Variants in FRMPD4 observed in about 807,000 individuals in gnomAD.
FRMPD4 encodes the protein FERM and PDZ domain containing 4.
FRMPD4 carries 22 observed loss-of-function variants against 94.1 expected under a neutral mutation model. That is an observed-to-expected ratio of 0.23 (90% confidence interval 0.17 to 0.33). FRMPD4 has a LOEUF of 0.33. FRMPD4 is among the 10% of genes least tolerant of loss of function. The pLI is 1.00. For missense variants in FRMPD4, 1,111 were observed against 1,339.9 expected, an observed-to-expected ratio of 0.83 and a Z score of 2.67; for synonymous variants, 631 against 548.6, an observed-to-expected ratio of 1.15 and a Z score of -2.10.
chrX:11,840,715 ATTTTTATTTTTTAT>A (rs774740401), intron 1 of FRMPD4, among the ~76,000 whole-genome samples: 2 of 98,560 alleles, frequency 2.0e-5, no homozygotes, highest in East Asian at 3.0e-4. Flanking sequence ...GTTCCTTTAT[ATTTTTATTTTTTAT>A]TTTTTATTTT....
At chrX:12,291,485 C>T (rs2054688272) in intron 1 of FRMPD4, among the ~76,000 whole-genome samples, 1 of 112,066 alleles carries the variant, frequency 8.9e-6, no homozygotes, top group South Asian at 3.8e-4. Flanking sequence ...ACTCTTAAAT[C>T]ATTGGCACTG....
chrX:11,872,800 T>C (rs2147307080), intron 2 of FRMPD4, among the ~76,000 whole-genome samples: 1 of 112,491 alleles, frequency 8.9e-6, no homozygotes, highest in South Asian at 3.7e-4. Context: ...TTAGACCAAT[T>C]CTATGCATAA....
At chrX:12,574,427 T>G (rs904112465) in intron 2 of FRMPD4, among the ~76,000 whole-genome samples, 8 of 112,480 alleles carry the variant, frequency 7.1e-5, no homozygotes, top group Non-Finnish European at 1.1e-4. Flanking sequence ...AATATTCTGT[T>G]AGACATGTGT....
rs1484231801 is a variant in FRMPD4, at chrX:12,116,424, T to C, written c.95+238406T>C. Among the ~76,000 whole-genome samples, 12 of 112,430 alleles carry C rather than the reference T, an allele frequency of 1.1e-4. No homozygotes were observed. In the Admixed American group the frequency reaches 1.1e-3, roughly 11 times the overall value. The stretch of plus-strand genomic sequence containing the variant: ...ATCTTGAGCAGGTGAAGAAATAATA[T>C]GAGAACAAAGGCATTGAGTAGTGTG... On this transcript the variant is annotated intron_variant, in intron 3 of 18. Coordinates refer to the FRMPD4 transcript ENST00000640291.
intron 3 of FRMPD4, among the ~76,000 whole-genome samples, chrX:11,913,959 A>G (rs1290184324): frequency 2.7e-5 from 3 of 112,190 alleles, no homozygotes; most frequent in African/African-American, 9.7e-5. Context: ...AGAGAATGAC[A>G]TGTTTTTAGA....
chrX:12,436,814 A>C (rs1280065395), intron 1 of FRMPD4, among the ~76,000 whole-genome samples: 2 of 111,594 alleles, frequency 1.8e-5, no homozygotes, highest in South Asian at 3.7e-4. Flanking sequence ...TGGCATATTC[A>C]TCACCTTAAA....
chrX:12,155,345 G>A (rs908843077), intron 1 of FRMPD4, among the ~76,000 whole-genome samples: 4 of 111,175 alleles, frequency 3.6e-5, no homozygotes, highest in South Asian at 3.8e-4. Context: ...CAAATTGAAA[G>A]TATATTCACT....
intron 2 of FRMPD4, among the ~76,000 whole-genome samples, chrX:12,499,120 C>T (rs2057888408): frequency 9.0e-6 from 1 of 111,412 alleles, no homozygotes; most frequent in African/African-American, 3.3e-5. Flanking sequence ...AAGTTGTATT[C>T]GTTGTCTGAG....
At chrX:12,205,091 TAAA>T (rs11334075) in intron 1 of FRMPD4, among the ~76,000 whole-genome samples, 18 of 76,415 alleles carry the variant, frequency 2.4e-4, no homozygotes, top group Admixed American at 2.9e-4. Context: ...AATCAAATGC[TAAA>T]AAAAAAAAAA....
chrX:12,670,989 T>G (rs2059835635), intron 4 of FRMPD4, among the ~76,000 whole-genome samples: 1 of 112,325 alleles, frequency 8.9e-6, no homozygotes, highest in South Asian at 3.7e-4. Context: ...TGACAAAAGC[T>G]CATCATCACT....
chrX:12,718,018 A>G lies in FRMPD4; in HGVS notation c.3192A>G (p.Lys1064=). The G allele has an allele frequency of 1.7e-6, 2 of 1,212,011 alleles. No homozygotes were observed. The highest frequency in any genetic ancestry group is 1.1e-6 in the Non-Finnish European group (1 of 895,456). ...AGATGGAGGAGGAGGCCAGTGGTAA[A>G]TTTGGTACTGTGTCTTCACGAGACA... ...TAEMEEEASG[K]FGTVSSRDSQ... The change falls in exon 16 of 17, where the codon AAA becomes AAG. Residue 1064 remains lysine (K), a synonymous_variant. Coordinates refer to ENST00000675598, the MANE Select transcript of FRMPD4 (RefSeq NM_001368397.1).
At chrX:12,692,177 C>T (rs757295721) in intron 8 of FRMPD4, among the ~76,000 whole-genome samples, 6 of 112,339 alleles carry the variant, frequency 5.3e-5, no homozygotes, top group Admixed American at 9.4e-5. Flanking sequence ...CACAACTTCC[C>T]GCTCCAGTTA....
chrX:12,282,298 G>A (rs2054537879), intron 1 of FRMPD4, among the ~76,000 whole-genome samples: 1 of 112,144 alleles, frequency 8.9e-6, no homozygotes, highest in African/African-American at 3.2e-5. Flanking sequence ...TCAGGGCAGG[G>A]AGCCAGCCCC....
intron 1 of FRMPD4, among the ~76,000 whole-genome samples, chrX:12,463,566 C>T (rs139634752): frequency 9.0e-6 from 1 of 110,514 alleles, no homozygotes; most frequent in Non-Finnish European, 1.9e-5. Flanking sequence ...AGTAAGCATT[C>T]GTTTTGACCA....
intron 1 of FRMPD4, among the ~76,000 whole-genome samples, chrX:12,215,261 A>G (rs941011471): frequency 9.0e-6 from 1 of 111,458 alleles, no homozygotes; most frequent in African/African-American, 3.3e-5. Context: ...AACTTGTTCA[A>G]TGAAGCCTCA....
intron 16 of FRMPD4, among the ~76,000 whole-genome samples, chrX:12,720,049 GGAAA>G (rs199713463): frequency 0.24 from 9,112 of 38,623 alleles, 724 homozygotes; most frequent in South Asian, 0.36. Flanking sequence ...GGAAAGGAAA[GGAAA>G]GAAAGAAAGA....
chrX:12,669,950 G>T (rs1457275070), intron 4 of FRMPD4, among the ~76,000 whole-genome samples: 1 of 112,219 alleles, frequency 8.9e-6, no homozygotes, highest in Non-Finnish European at 1.9e-5. Context: ...CGTTATAGCA[G>T]CCATAGGAAT....
At chrX:11,844,135 G>A (rs1346597293) in intron 1 of FRMPD4, among the ~76,000 whole-genome samples, 7 of 104,709 alleles carry the variant, frequency 6.7e-5, no homozygotes, top group African/African-American at 2.4e-4. Flanking sequence ...CTACAGGCAT[G>A]CGCCATCACA....
chrX:12,115,587 C>T (rs1430233808), intron 3 of FRMPD4, among the ~76,000 whole-genome samples: 1 of 109,217 alleles, frequency 9.2e-6, no homozygotes, highest in African/African-American at 3.3e-5. Context: ...TGGCTCTTGT[C>T]CACACTGCAT....
Sources: allele counts gnomAD v4.1 joint callset (sites outside exome capture counted in the v4.1 genomes callset), GRCh38; gene constraint gnomAD v4.1.1; transcripts MANE v1.5; gene names NCBI Gene and HGNC (gene_info 2026-07-23, HGNC 2026-07-21).